The following RMND1 variants were observed in gnomAD, a reference collection of about 807,000 sequenced individuals.
RMND1 encodes the protein required for meiotic nuclear division 1 homolog, also known as required for meiotic nuclear division protein 1 homolog.
RMND1 carries 41 observed loss-of-function variants against 54.0 expected under a neutral mutation model. The observed-to-expected ratio is 0.76, with a 90% CI of 0.59 to 0.98. The LOEUF (loss-of-function observed/expected upper bound fraction) is 0.98. Among genes scored for constraint, RMND1 ranks in the 50% least tolerant of loss-of-function variants. The pLI is 0.00. For synonymous variants in RMND1, 183 were observed against 181.7 expected, an observed-to-expected ratio of 1.01 and a Z score of -0.06; for missense variants, 457 against 532.0, an observed-to-expected ratio of 0.86 and a Z score of 1.39.
At chr6:151,445,984 C>T (rs1285068838) in intron 1 of RMND1, 159 bp from the exon 2 acceptor site, 2 of 678,660 alleles carry the variant, frequency 2.9e-6, no homozygotes, top group Non-Finnish European at 4.7e-6. Flanking sequence ...AATATAAGTA[C>T]AGTGTTTCTG....
intron 10 of RMND1, among the ~76,000 whole-genome samples, chr6:151,410,508 C>T (rs1440815585): frequency 2.0e-5 from 3 of 152,268 alleles, no homozygotes; most frequent in South Asian, 2.1e-4. Context: ...CATAATCCAA[C>T]GAGTCTGAAC....
At chr6:151,440,863 C>A (rs1780756200) in intron 2 of RMND1, among the ~76,000 whole-genome samples, 1 of 151,976 alleles carries the variant, frequency 6.6e-6, no homozygotes, top group Non-Finnish European at 1.5e-5. Context: ...GTTTTCTGAG[C>A]AGCTTTCATT....
chr6:151,407,203 C>T (rs1468897070), intron 10 of RMND1, among the ~76,000 whole-genome samples: 1 of 152,132 alleles, frequency 6.6e-6, no homozygotes, highest in African/African-American at 2.4e-5. Context: ...CTGACTGAAC[C>T]ACACTCCACC....
At chr6:151,423,037 A>AG (rs1181716526) in intron 7 of RMND1, among the ~76,000 whole-genome samples, 6 of 152,218 alleles carry the variant, frequency 3.9e-5, no homozygotes, top group Non-Finnish European at 5.9e-5. Context: ...CAGCCACCTA[A>AG]GGTAGACTGC....
intron 5 of RMND1, among the ~76,000 whole-genome samples, chr6:151,429,445 C>T (rs1470647675): frequency 6.6e-6 from 1 of 152,082 alleles, no homozygotes; most frequent in Non-Finnish European, 1.5e-5. Flanking sequence ...TTTAATGTAA[C>T]TGTATTATAT....
chr6:151,415,792 C>CAAAAAAAA, intron 10 of RMND1, among the ~76,000 whole-genome samples: 1 of 93,754 alleles, frequency 1.1e-5, no homozygotes, highest in Non-Finnish European at 2.2e-5. Flanking sequence ...GACTCCGTCT[C>CAAAAAAAA]AAAAAAAAAA....
At chr6:151,447,303 C>G (rs1416193767) in intron 1 of RMND1, among the ~76,000 whole-genome samples, 1 of 151,468 alleles carries the variant, frequency 6.6e-6, no homozygotes, top group Non-Finnish European at 1.5e-5. Context: ...CTCAGAGTCA[C>G]ACGGTCAAAT....
chr6:151,413,918 A>T (rs1163236157), intron 10 of RMND1: 1 of 152,232 alleles, frequency 6.6e-6, no homozygotes, highest in East Asian at 1.9e-4. Flanking sequence ...ACAGAGGAAT[A>T]GGTGGTGCCA....
intron 2 of RMND1, among the ~76,000 whole-genome samples, chr6:151,439,717 T>C (rs1780715932): frequency 6.6e-6 from 1 of 152,340 alleles, no homozygotes; most frequent in East Asian, 1.9e-4. Flanking sequence ...TGGAGTGCAA[T>C]GGTGCAATCT....
At chr6:151,425,100 A>C (rs1455590192) in intron 6 of RMND1, among the ~76,000 whole-genome samples, 1 of 152,026 alleles carries the variant, frequency 6.6e-6, no homozygotes, top group East Asian at 1.9e-4. Flanking sequence ...GCACCACCAC[A>C]TCCAGCTAAT....
In RMND1 at chr6:151,421,301, T is replaced by A; in HGVS notation, c.1023A>T (p.Lys341Asn). Residue 341 changes from lysine to asparagine, a missense_variant, in exon 9 of 12, where the codon AAA becomes AAT. By Grantham distance (94) the Lys-to-Asn change is moderately conservative. Transcript: ENST00000444024. ...TAACTTCTTCATGAGATAGTTTCAC[T>A]TTCTTCCCAGCTTTTAAAGCCTAGT... ...SIPEALKAGK[K>N]VKLSHEEVMQ... 6.2e-7 allele frequency: 1 copy of A among 1,612,656 alleles called. No homozygotes were observed. The highest frequency in any genetic ancestry group is 8.5e-7 in the Non-Finnish European group (1 of 1,179,266).
intron 2 of RMND1, chr6:151,436,785 G>C (rs1780627457): frequency 2.5e-6 from 1 of 402,518 alleles, no homozygotes. Context: ...CAGGCAAAAA[G>C]ATGGAATGGA....
intron 2 of RMND1, among the ~76,000 whole-genome samples, chr6:151,441,203 A>T (rs557975913): frequency 2.5e-4 from 38 of 152,252 alleles, no homozygotes; most frequent in African/African-American, 9.1e-4. Flanking sequence ...CATTTTTTTA[A>T]AAATTATACT....
At chr6:151,427,612 C>A (rs771448352) in intron 5 of RMND1, 30 bp from the exon 6 acceptor site, 2 of 1,357,144 alleles carry the variant, frequency 1.5e-6, no homozygotes, top group South Asian at 2.3e-5. Flanking sequence ...AATCTGAAAT[C>A]ATAACTGACT....
At chr6:151,445,884 T>C in intron 1 of RMND1, 59 bp from the exon 2 acceptor site, 1 of 1,396,304 alleles carries the variant, frequency 7.2e-7, no homozygotes, top group Non-Finnish European at 9.4e-7. Flanking sequence ...ACATATATAA[T>C]ATTTCCCTAG....
rs909468781 is a variant in RMND1, at chr6:151,404,955, G to A, written c.*280C>T. 3.1e-6 allele frequency: 1 copy of A among 320,714 alleles called. No individual in the cohort carries two copies. Among genetic ancestry groups the A allele is most frequent in the Non-Finnish European group, 5.7e-6 (1 of 174,752 alleles). The allele number at this position is 320,714 out of a possible 1,614,324, so 19.9% of individuals were successfully genotyped here. On this transcript the variant is annotated 3_prime_UTR_variant, in exon 12 of 12. Transcript: ENST00000444024. ...GTGATCTTAGCTCACTGCAACCTCC[G>A]CCTCCCAAGTTCAAGAGATTCTCCT... is the stretch of plus-strand genomic sequence containing the variant.
chr6:151,427,604 T>A (rs1328967418), intron 5 of RMND1, 22 bp from the exon 6 acceptor site: 2 of 1,478,978 alleles, frequency 1.4e-6, no homozygotes, highest in South Asian at 1.1e-5. Flanking sequence ...GGAAGATTAA[T>A]CTGAAATCAT....
At chr6:151,429,063 T>C (rs1250897831) in intron 5 of RMND1, among the ~76,000 whole-genome samples, 1 of 152,140 alleles carries the variant, frequency 6.6e-6, no homozygotes, top group Admixed American at 6.6e-5. Flanking sequence ...AAAATTGGGA[T>C]TGTATAAAGC....
intron 2 of RMND1, among the ~76,000 whole-genome samples, chr6:151,438,820 C>A (rs9397408): frequency 0.024 from 3,468 of 147,276 alleles, 176 homozygotes; most frequent in East Asian, 0.18. Context: ...CCAAAAAAAA[C>A]CCAAAAACCT....
Sources: allele counts gnomAD v4.1 joint callset (sites outside exome capture counted in the v4.1 genomes callset), GRCh38; gene constraint gnomAD v4.1.1; transcripts MANE v1.5; gene names NCBI Gene and HGNC (gene_info 2026-07-23, HGNC 2026-07-21).